TMEM132C: variants seen among roughly 807,000 people sequenced by gnomAD.
TMEM132C encodes the protein transmembrane protein 132C.
Under a neutral mutation model 61.4 loss-of-function variants are expected in TMEM132C, and 29 were observed. The ratio of observed to expected loss-of-function variants is 0.47; its 90% CI spans 0.35 to 0.64. TMEM132C has a LOEUF of 0.64. TMEM132C is among the 30% of genes least tolerant of loss of function. The pLI is 0.00. For missense variants in TMEM132C, 1,408 were observed against 1,476.9 expected (o/e 0.95, Z 0.76); for synonymous variants, 656 against 633.1 (o/e 1.04, Z -0.54).
At chr12:128,653,189 A>G (rs1954289939) in intron 4 of TMEM132C, among the ~76,000 whole-genome samples, 1 of 151,884 alleles carries the variant, frequency 6.6e-6, no homozygotes, top group African/African-American at 2.4e-5. Flanking sequence ...ATGTTGTATG[A>G]TTCCCTTTAA....
chr12:128,493,566 A>C (rs1283905740), intron 2 of TMEM132C, among the ~76,000 whole-genome samples: 1 of 152,150 alleles, frequency 6.6e-6, no homozygotes, highest in Non-Finnish European at 1.5e-5. Flanking sequence ...GGTCCTTCAC[A>C]TCCCTTATAC....
In TMEM132C at chr12:128,616,285, G is replaced by T; in HGVS notation, c.1255G>T (p.Glu419Ter). The T allele has an allele frequency of 6.4e-7, 1 of 1,551,920 alleles. No homozygotes were observed. Among genetic ancestry groups the T allele is most frequent in the African/African-American group, 1.4e-5 (1 of 73,178 alleles). The change falls in exon 4 of 9, where the codon GAG (glutamate) becomes TAG (stop). Residue 419 changes from glutamate to a stop codon, truncating the protein, a stop_gained. Transcript: ENST00000435159. LOFTEE classifies it high-confidence loss of function. ...GGGGACCACAGACATCGCCGTGTCC[G>T]AGATCTTTGTCAGCCAGAAGGACCT... ...RKGTTDIAVS[E>*]IFVSQKDLVG...
chr12:128,551,897 CG>C (rs1874188116), intron 3 of TMEM132C, among the ~76,000 whole-genome samples: 1 of 152,178 alleles, frequency 6.6e-6, no homozygotes. Context: ...TTGATTCGAA[CG>C]TTGCACCTTG....
intron 1 of TMEM132C, among the ~76,000 whole-genome samples, chr12:128,286,246 C>T (rs1275744826): frequency 6.6e-6 from 1 of 152,156 alleles, no homozygotes; most frequent in Non-Finnish European, 1.5e-5. Context: ...TCTTTGCTTC[C>T]CTTAGCTTAT....
chr12:128,446,946 G>T lies in TMEM132C; in HGVS notation c.974+31326G>T, dbSNP rs1213611170. 3.3e-5 allele frequency among the ~76,000 whole-genome samples: 5 copies of T among 152,312 alleles called. No individual in the cohort carries two copies. In the East Asian group the frequency reaches 9.6e-4, roughly 29 times the overall value. ...TCCAAGGAACTAGGCCTAGAGTAAG[G>T]TAGGAGAAATGTCTCCAAATCCAGT... is the stretch of plus-strand genomic sequence containing the variant. On this transcript the variant is annotated intron_variant, in intron 2 of 8. Transcript: ENST00000435159.
At chr12:128,267,745 C>A (rs556485476) in intron 1 of TMEM132C, among the ~76,000 whole-genome samples, 6 of 152,200 alleles carry the variant, frequency 3.9e-5, no homozygotes, top group Admixed American at 1.3e-4. Flanking sequence ...CCCAGAGCTG[C>A]CCCGCGGATG....
intron 2 of TMEM132C, among the ~76,000 whole-genome samples, chr12:128,497,842 A>G (rs1872022957): frequency 6.6e-6 from 1 of 152,042 alleles, no homozygotes; most frequent in Non-Finnish European, 1.5e-5. Flanking sequence ...TCCTGCCCCC[A>G]ATGTCTGACA....
chr12:128,625,847 C>A (rs1371813208), intron 4 of TMEM132C, among the ~76,000 whole-genome samples: 1 of 152,160 alleles, frequency 6.6e-6, no homozygotes, highest in Non-Finnish European at 1.5e-5. Flanking sequence ...ACCTCCTAAC[C>A]CATCACCTTG....
intron 4 of TMEM132C, among the ~76,000 whole-genome samples, chr12:128,644,235 G>A (rs956497190): frequency 2.0e-5 from 3 of 152,158 alleles, no homozygotes; most frequent in Admixed American, 6.5e-5. Flanking sequence ...CATACAACCC[G>A]GAAATTCTGC....
rs532937810 is a variant in TMEM132C, at chr12:128,287,173, AT to A, written c.85+19690del. Among the ~76,000 whole-genome samples, 5 of 152,226 alleles carry A rather than the reference AT, an allele frequency of 3.3e-5. No homozygotes were observed. The East Asian group carries it at 9.6e-4, about 29-fold the overall frequency. On this transcript the variant is annotated intron_variant, in intron 1 of 8. Transcript: ENST00000435159. ...CTGTGCAGGGCTAGATGCCAGCAGC[AT>A]TTTCCCTGCCCACACAGTTATGACA...
intron 3 of TMEM132C, among the ~76,000 whole-genome samples, chr12:128,576,935 A>C (rs1047541550): frequency 4.1e-5 from 6 of 148,138 alleles, no homozygotes; most frequent in Admixed American, 7.0e-5. Context: ...GATACAATTC[A>C]CATATTTAAA....
intron 1 of TMEM132C, among the ~76,000 whole-genome samples, chr12:128,333,871 TGTG>T (rs1872728290): frequency 6.6e-6 from 1 of 151,346 alleles, no homozygotes; most frequent in African/African-American, 2.4e-5. Flanking sequence ...CGTGTTTATG[TGTG>T]AGAGTGTGTG....
chr12:128,454,997 G>A (rs1395707507), intron 2 of TMEM132C, among the ~76,000 whole-genome samples: 1 of 152,210 alleles, frequency 6.6e-6, no homozygotes, highest in Non-Finnish European at 1.5e-5. Flanking sequence ...TTCAGATACT[G>A]TATGCTGATT....
intron 1 of TMEM132C, among the ~76,000 whole-genome samples, chr12:128,381,775 C>T (rs1403799734): frequency 1.3e-5 from 2 of 152,172 alleles, no homozygotes; most frequent in Non-Finnish European, 2.9e-5. Context: ...TGAAAGAGTG[C>T]CAGTGGCAAG....
In TMEM132C at chr12:128,622,360, A is replaced by AAAAAAAAT. The variant is rs1277080166; in HGVS notation, c.1305+6026_1305+6027insAAAAAATA. Reference sequence around the variant, plus strand: ...CTTTGTCTCAAAAAAAAAAAAAAAAAATATATATATATATATATATATATA... The same window carrying AAAAAAAAT: ...CTTTGTCTCAAAAAAAAAAAAAAAAAAAAAAAATATATATATATATATATATATATATA... On this transcript the variant is annotated intron_variant, in intron 4 of 8. Coordinates refer to ENST00000435159, the MANE Select transcript of TMEM132C (RefSeq NM_001136103.3). Among the ~76,000 whole-genome samples, 106 of 30,106 alleles carry AAAAAAAAT rather than the reference A, an allele frequency of 3.5e-3. 1 individual carries two copies. The highest frequency in any genetic ancestry group is 4.6e-3 in the Non-Finnish European group (84 of 18,184). 19.8% of individuals were successfully genotyped at this position (30,106 alleles called of 152,430 possible).
chr12:128,428,517 T>G (rs1869273419), intron 2 of TMEM132C, among the ~76,000 whole-genome samples: 1 of 152,192 alleles, frequency 6.6e-6, no homozygotes, highest in South Asian at 2.1e-4. Context: ...CATCCATTTA[T>G]TGTGGCCAGC....
At chr12:128,309,578 G>A (rs890068089) in intron 1 of TMEM132C, among the ~76,000 whole-genome samples, 1 of 152,000 alleles carries the variant, frequency 6.6e-6, no homozygotes, top group East Asian at 1.9e-4. Flanking sequence ...GGACCCCACC[G>A]TCAGTCTCTG....
At chr12:128,536,045 A>G (rs866445839) in intron 2 of TMEM132C, among the ~76,000 whole-genome samples, 3 of 152,324 alleles carry the variant, frequency 2.0e-5, no homozygotes, top group African/African-American at 7.2e-5. Flanking sequence ...TACTGGGTGT[A>G]TACCCAAAGG....
intron 1 of TMEM132C, among the ~76,000 whole-genome samples, chr12:128,299,832 C>T (rs1871540919): frequency 1.3e-5 from 2 of 152,192 alleles, no homozygotes; most frequent in African/African-American, 4.8e-5. Context: ...CTCACCCCTA[C>T]ACGTGATTGC....
Sources: gnomAD v4.1 joint callset for allele counts (sites outside exome capture counted in the v4.1 genomes callset) on GRCh38, gnomAD v4.1.1 for gene constraint, MANE v1.5 for transcripts, NCBI Gene and HGNC (gene_info 2026-07-23, HGNC 2026-07-21) for gene names.